NRG4: variants seen among roughly 807,000 people sequenced by gnomAD.
NRG4 encodes pro-neuregulin-4, membrane-bound isoform.
Under a neutral mutation model 15.0 loss-of-function variants are expected in NRG4, and 10 were observed. The observed-to-expected ratio is 0.67, with a 90% confidence interval of 0.41 to 1.13. The LOEUF is 1.13. Among genes scored for constraint, NRG4 ranks in the 50% most tolerant of loss-of-function variants. The probability of loss-of-function intolerance (pLI) is 0.00; values close to 1 mark genes in which losing one functional copy is unlikely to be tolerated. For synonymous variants in NRG4, 41 were observed against 50.1 expected, an observed-to-expected ratio of 0.82 and a Z score of 0.77; for missense variants, 139 against 140.2, an observed-to-expected ratio of 0.99 and a Z score of 0.04.
At chr15:75,940,188 A>G (rs953436243), downstream of NRG4, 2 of 152,078 alleles carry the variant, frequency 1.3e-5, no homozygotes, top group African/African-American at 4.8e-5. Context: ...TTGCATTCCT[A>G]TACACTAACA....
intron 5 of NRG4, among the ~76,000 whole-genome samples, chr15:75,949,645 G>T (rs988318309): frequency 2.0e-5 from 3 of 152,022 alleles, no homozygotes; most frequent in African/African-American, 7.2e-5. Flanking sequence ...TTTTTGTATT[G>T]TATCTAAAAA....
At chr15:75,979,815 A>G (rs777533471) in intron 3 of NRG4, among the ~76,000 whole-genome samples, 2 of 152,142 alleles carry the variant, frequency 1.3e-5, no homozygotes, top group Non-Finnish European at 2.9e-5. Context: ...TGCCTCCTAT[A>G]TATGCCCATT....
At chr15:76,031,181 G>GA (rs143434757) in intron 5 of NRG4, among the ~76,000 whole-genome samples, 5,607 of 151,878 alleles carry the variant, frequency 0.037, 178 homozygotes, top group African/African-American at 0.085. Flanking sequence ...ATTCATGAGG[G>GA]AAAAAAAATC....
intron 4 of NRG4, among the ~76,000 whole-genome samples, chr15:76,042,224 A>G (rs939045539): frequency 4.6e-5 from 7 of 152,162 alleles, no homozygotes; most frequent in African/African-American, 1.7e-4. Flanking sequence ...CTACATTTAA[A>G]AAGTAGGAAA....
chr15:76,051,978 A>G (rs1273184651), intron 4 of NRG4: 1 of 151,102 alleles, frequency 6.6e-6, no homozygotes, highest in Non-Finnish European at 1.5e-5. Flanking sequence ...ATTGTCTCTT[A>G]GTTAAATCAA....
downstream of NRG4, chr15:75,938,757 A>T (rs2030635658): frequency 6.6e-6 from 1 of 152,212 alleles, no homozygotes; most frequent in Non-Finnish European, 1.5e-5. Flanking sequence ...CATATCACAC[A>T]CAAAGAAGTG....
chr15:76,042,951 A>T (rs2035781085), intron 4 of NRG4, among the ~76,000 whole-genome samples: 1 of 152,152 alleles, frequency 6.6e-6, no homozygotes, highest in African/African-American at 2.4e-5. Flanking sequence ...TAAAAATATC[A>T]TTTGTCATGA....
At chr15:76,028,558 T>C (rs984730585) in intron 5 of NRG4, among the ~76,000 whole-genome samples, 2 of 151,848 alleles carry the variant, frequency 1.3e-5, no homozygotes, top group Non-Finnish European at 2.9e-5. Flanking sequence ...TAATGAACCT[T>C]TAAAGAAGAA....
chr15:75,944,883 CCT>C (rs957270940), intron 5 of NRG4, among the ~76,000 whole-genome samples: 7 of 151,938 alleles, frequency 4.6e-5, no homozygotes, highest in African/African-American at 9.7e-5. Flanking sequence ...ATACCTTACC[CCT>C]GTTTTTAACC....
chr15:76,028,113 TAA>T (rs2035363520), intron 5 of NRG4, among the ~76,000 whole-genome samples: 1 of 149,282 alleles, frequency 6.7e-6, no homozygotes, highest in Non-Finnish European at 1.5e-5. Flanking sequence ...CTCAAGGAAC[TAA>T]AAAAATAAGA....
At chr15:76,052,415 G>T (rs2036042610) in intron 3 of NRG4, among the ~76,000 whole-genome samples, 1 of 150,982 alleles carries the variant, frequency 6.6e-6, no homozygotes, top group African/African-American at 2.5e-5. Context: ...CAAATAAAAG[G>T]CTAGGAGTTG....
intron 1 of NRG4, among the ~76,000 whole-genome samples, chr15:76,059,375 G>A (rs2036238652): frequency 2.0e-5 from 3 of 152,228 alleles, no homozygotes; most frequent in African/African-American, 4.8e-5. Context: ...GGCACTGCGT[G>A]CCATCCGCTC....
At chr15:75,952,091 T>A (rs1394353081) in intron 5 of NRG4, among the ~76,000 whole-genome samples, 3 of 152,218 alleles carry the variant, frequency 2.0e-5, no homozygotes, top group African/African-American at 7.2e-5. Context: ...TGAGATACAA[T>A]CACGTACCAT....
At chr15:75,996,701 C>T (rs2034229021) in intron 3 of NRG4, among the ~76,000 whole-genome samples, 1 of 151,956 alleles carries the variant, frequency 6.6e-6, no homozygotes, top group Non-Finnish European at 1.5e-5. Context: ...TACTAGATCC[C>T]AACATTATAT....
intron 3 of NRG4, among the ~76,000 whole-genome samples, chr15:76,004,405 A>G (rs2034520374): frequency 6.6e-6 from 1 of 152,064 alleles, no homozygotes; most frequent in Non-Finnish European, 1.5e-5. Flanking sequence ...GTTCGAGACC[A>G]GCCTGACCAA....
chr15:76,060,172 G>A (rs2036269500), upstream of NRG4, among the ~76,000 whole-genome samples: 1 of 151,882 alleles, frequency 6.6e-6, no homozygotes, highest in South Asian at 2.1e-4. Flanking sequence ...CCCCTGGCCG[G>A]GGGAGCCAGG....
chr15:76,005,651 G>C, intron 3 of NRG4: 1 of 296,062 alleles, frequency 3.4e-6, no homozygotes, highest in Non-Finnish European at 6.3e-6. Context: ...TCGCCCTACT[G>C]TACTCCAGCC....
At chr15:76,017,155 C>CTTTTTTTTTTTTTT (rs66838505), upstream of NRG4, among the ~76,000 whole-genome samples, 21 of 52,316 alleles carry the variant, frequency 4.0e-4, no homozygotes, top group East Asian at 8.9e-4. Flanking sequence ...CAACCCCTGC[C>CTTTTTTTTTTTTTT]TTTTTTTTTT....
chr15:75,983,702 G>C (rs1595986148), intron 3 of NRG4, among the ~76,000 whole-genome samples: 1 of 152,000 alleles, frequency 6.6e-6, no homozygotes, highest in East Asian at 1.9e-4. Flanking sequence ...CTTATATACA[G>C]ACAATAATTA....
Sources: allele counts gnomAD v4.1 joint callset (sites outside exome capture counted in the v4.1 genomes callset), GRCh38; gene constraint gnomAD v4.1.1; transcripts MANE v1.5; gene names NCBI Gene and HGNC (gene_info 2026-07-23, HGNC 2026-07-21).